Variants in EHHADH observed in about 807,000 individuals in gnomAD.
EHHADH encodes peroxisomal bifunctional enzyme.
EHHADH carries 48 observed loss-of-function variants against 64.4 expected under a neutral mutation model. That is an observed-to-expected ratio of 0.75 (90% CI 0.59 to 0.95). The LOEUF (loss-of-function observed/expected upper bound fraction) is 0.95, where lower values mean the gene tolerates loss of function less well. Among genes scored for constraint, EHHADH ranks in the 40% least tolerant of loss-of-function variants. The pLI is 0.00. For synonymous variants in EHHADH, 308 were observed against 326.7 expected (o/e 0.94, Z 0.62); for missense variants, 854 against 876.6 (o/e 0.97, Z 0.33).
chr3:185,251,045 C>T (rs924993656), intron 1 of EHHADH, among the ~76,000 whole-genome samples: 13 of 152,148 alleles, frequency 8.5e-5, no homozygotes, highest in African/African-American at 1.2e-4. Context: ...TTACTAGATT[C>T]AAGCTGACAG....
chr3:185,204,157 A>T (rs369910200), intron 6 of EHHADH, among the ~76,000 whole-genome samples: 4 of 148,366 alleles, frequency 2.7e-5, no homozygotes, highest in Admixed American at 1.3e-4. Context: ...AAAAAAAAAA[A>T]AGAATAAAAC....
intron 3 of EHHADH, among the ~76,000 whole-genome samples, chr3:185,233,438 T>C (rs1027426059): frequency 9.2e-5 from 14 of 152,068 alleles, no homozygotes; most frequent in African/African-American, 1.2e-4. Flanking sequence ...AATGGAGGAA[T>C]TGAACAAAAA....
chr3:185,244,796 G>T (rs1719551298), intron 2 of EHHADH, among the ~76,000 whole-genome samples: 1 of 152,142 alleles, frequency 6.6e-6, no homozygotes, highest in Non-Finnish European at 1.5e-5. Flanking sequence ...AACAGAAGAA[G>T]AATGACCCTG....
intron 2 of EHHADH, among the ~76,000 whole-genome samples, chr3:185,239,912 G>A (rs965908292): frequency 6.6e-6 from 1 of 151,974 alleles, no homozygotes; most frequent in Non-Finnish European, 1.5e-5. Flanking sequence ...TGTTGGCTGT[G>A]GTTTTGTTGT....
At chr3:185,215,650 A>G (rs1203273306) in intron 5 of EHHADH, among the ~76,000 whole-genome samples, 1 of 152,194 alleles carries the variant, frequency 6.6e-6, no homozygotes, top group Admixed American at 6.5e-5. Context: ...TTATCTGTAG[A>G]AATTACACCT....
intron 2 of EHHADH, among the ~76,000 whole-genome samples, chr3:185,240,452 T>C (rs1719418676): frequency 6.6e-6 from 1 of 151,980 alleles, no homozygotes; most frequent in African/African-American, 2.4e-5. Context: ...CATAACTCAG[T>C]ATTGGTCTGT....
intron 1 of EHHADH, among the ~76,000 whole-genome samples, chr3:185,250,893 T>TAATTG (rs1415633997): frequency 6.6e-6 from 1 of 152,208 alleles, no homozygotes; most frequent in Non-Finnish European, 1.5e-5. Flanking sequence ...CTTACAAAAC[T>TAATTG]AGCCAAAATT....
chr3:185,237,778 G>A lies in EHHADH; in HGVS notation c.179-2316C>T, dbSNP rs149053914. Reference sequence around the variant, plus strand: ...TATTTAAAATTATTTTTATAGATTCGGGGGGTACATGTACAGGTTTGTTAC... The same window carrying A: ...TATTTAAAATTATTTTTATAGATTCAGGGGGTACATGTACAGGTTTGTTAC... On this transcript the variant is annotated intron_variant, in intron 2 of 6. Coordinates refer to ENST00000231887, the MANE Select transcript of EHHADH (RefSeq NM_001966.4). Among the ~76,000 whole-genome samples, 18 of 152,050 alleles carry A rather than the reference G, an allele frequency of 1.2e-4. No individual in the cohort carries two copies. The East Asian group carries it at 1.4e-3, about 11-fold the overall frequency.
rs758387500 is a variant in EHHADH at position 185,204,512 on chromosome 3, A to G, written c.814T>C (p.Phe272Leu). 6.2e-7 allele frequency: 1 copy of G among 1,614,204 alleles called. No individual in the cohort carries two copies. The highest frequency in any genetic ancestry group is 8.5e-7 in the Non-Finnish European group (1 of 1,180,028). ...SGQARALQYA[F>L]FAERKANKWS... The stretch of plus-strand genomic sequence containing the variant: ...TTATTTGCTTTCCTTTCAGCGAAGA[A>G]AGCATATTGCAGGGCTCTAGCCTGC... The change falls in exon 6 of 7, where the codon TTC (phenylalanine) becomes CTC (leucine). Residue 272 changes from phenylalanine (F) to leucine (L), a missense_variant. Physicochemically the swap from Phe to Leu is conservative, Grantham distance 22 (BLOSUM62 0). Transcript: ENST00000231887.
At chr3:185,198,062 G>A (rs1465994843) in intron 6 of EHHADH, among the ~76,000 whole-genome samples, 1 of 152,014 alleles carries the variant, frequency 6.6e-6, no homozygotes, top group Non-Finnish European at 1.5e-5. Context: ...CTCCCAAAGT[G>A]CTGGGATTAC....
chr3:185,194,828 A>AAAAAAAAAAAAAAAAAAAAG (rs1577352388), intron 6 of EHHADH, among the ~76,000 whole-genome samples: 1 of 144,686 alleles, frequency 6.9e-6, no homozygotes, highest in East Asian at 2.0e-4. Context: ...AAAAAAAAAA[A>AAAAAAAAAAAAAAAAAAAAG]GAAGCCTATA....
intron 2 of EHHADH, among the ~76,000 whole-genome samples, chr3:185,243,139 A>G (rs1719502000): frequency 1.3e-5 from 2 of 152,210 alleles, no homozygotes; most frequent in African/African-American, 4.8e-5. Context: ...CAGTTTCCCC[A>G]GTGGGGGTGT....
intron 4 of EHHADH, among the ~76,000 whole-genome samples, chr3:185,223,098 A>AT (rs1403904314): frequency 4.0e-5 from 6 of 151,668 alleles, no homozygotes; most frequent in Admixed American, 1.3e-4. Flanking sequence ...TATTGCTTTC[A>AT]TTTTTTTTGC....
chr3:185,243,266 C>A (rs143206662), intron 2 of EHHADH, among the ~76,000 whole-genome samples: 278 of 152,246 alleles, frequency 1.8e-3, no homozygotes, highest in African/African-American at 6.5e-3. Context: ...GTCTGTGGGT[C>A]CTCTTGGGAT....
chr3:185,224,943 T>C (rs1718934028), intron 4 of EHHADH, among the ~76,000 whole-genome samples: 1 of 152,228 alleles, frequency 6.6e-6, no homozygotes, highest in South Asian at 2.1e-4. Context: ...GTACAAAGGT[T>C]ATTTTGAATG....
At chr3:185,210,572 TTG>T (rs1718513332) in intron 5 of EHHADH, among the ~76,000 whole-genome samples, 2 of 151,018 alleles carry the variant, frequency 1.3e-5, no homozygotes, top group Non-Finnish European at 3.0e-5. Context: ...GCGGCAGAGG[TTG>T]CAGTGAGCCG....
At chr3:185,212,663 T>C (rs1042126915) in intron 5 of EHHADH, among the ~76,000 whole-genome samples, 1 of 101,706 alleles carries the variant, frequency 9.8e-6, no homozygotes, top group Non-Finnish European at 2.5e-5. Context: ...AATACAAAAA[T>C]TCAACATGTA....
chr3:185,217,348 G>A (rs1008344412), intron 5 of EHHADH, among the ~76,000 whole-genome samples: 9 of 151,826 alleles, frequency 5.9e-5, no homozygotes, highest in Non-Finnish European at 1.0e-4. Context: ...AGTTCGAGAT[G>A]AGCCTGGCAA....
In EHHADH at chr3:185,192,372, G is replaced by T; in HGVS notation, c.2026C>A (p.Leu676Ile). ...YASTVGLPTVLEKLQKYYRQN... is the reference protein window; with the variant it reads ...YASTVGLPTVIEKLQKYYRQN... ...CTGTAATATTTCTGCAATTTCTCTA[G>T]AACTGTGGGCAACCCAACTGTGGAA... The change falls in exon 7 of 7, where the codon CTA (leucine) becomes ATA (isoleucine). Residue 676 changes from leucine (L) to isoleucine (I), a missense_variant. Coordinates refer to ENST00000231887, the MANE Select transcript of EHHADH (RefSeq NM_001966.4). The T allele has an allele frequency of 6.2e-7, 1 of 1,614,180 alleles. No homozygotes were observed.
Sources: gnomAD v4.1 joint callset for allele counts (sites outside exome capture counted in the v4.1 genomes callset) on GRCh38, gnomAD v4.1.1 for gene constraint, MANE v1.5 for transcripts, NCBI Gene and HGNC (gene_info 2026-07-23, HGNC 2026-07-21) for gene names.